GLIS3: variants seen among roughly 807,000 people sequenced by gnomAD.
GLIS3 encodes zinc finger protein GLIS3.
In GLIS3, 53 loss-of-function variants were observed where a neutral mutation model predicts 78.6. The ratio of observed to expected loss-of-function variants is 0.67; its 90% confidence interval spans 0.54 to 0.85. The LOEUF is 0.85. Ranked by LOEUF, GLIS3 falls within the 40% of genes least tolerant of loss-of-function variation. GLIS3 has a pLI of 0.00. For synonymous variants in GLIS3, 684 were observed against 509.9 expected (o/e 1.34, Z -4.60); for missense variants, 1,703 against 1,231.1 (o/e 1.38, Z -5.74).
intron 4 of GLIS3, among the ~76,000 whole-genome samples, chr9:4,111,349 A>C (rs904507696): frequency 6.6e-6 from 1 of 152,214 alleles, no homozygotes; most frequent in Non-Finnish European, 1.5e-5. Context: ...TTCATCCTAG[A>C]ATCACAGGGC....
chr9:4,457,271 G>A, the GLIS3 span, among the ~76,000 whole-genome samples: 1 of 151,988 alleles, frequency 6.6e-6, no homozygotes, highest in East Asian at 1.9e-4. Context: ...TGAGGTGGGA[G>A]GATCATTTGA....
chr9:3,891,930 G>T (rs1049829117), intron 7 of GLIS3, among the ~76,000 whole-genome samples: 2 of 152,140 alleles, frequency 1.3e-5, no homozygotes, highest in African/African-American at 2.4e-5. Flanking sequence ...GCACGTTGAT[G>T]AGACTTTATC....
At chr9:4,390,605 C>T in the GLIS3 span, among the ~76,000 whole-genome samples, 2 of 152,270 alleles carry the variant, frequency 1.3e-5, no homozygotes, top group South Asian at 4.1e-4. Context: ...TCTCTCTGGC[C>T]TCATACAGAT....
At chr9:3,996,794 T>C (rs12115545) in intron 4 of GLIS3, among the ~76,000 whole-genome samples, 3,130 of 151,958 alleles carry the variant, frequency 0.021, 115 homozygotes, top group African/African-American at 0.071. Flanking sequence ...CCTAGGCTAA[T>C]AAAGAAAAAG....
At chr9:4,353,400 G>A in the GLIS3 span, among the ~76,000 whole-genome samples, 1 of 152,128 alleles carries the variant, frequency 6.6e-6, no homozygotes, top group East Asian at 1.9e-4. Flanking sequence ...AAGGAGGTGT[G>A]GGAGTTAACG....
At chr9:4,108,554 T>C (rs1830953091) in intron 4 of GLIS3, among the ~76,000 whole-genome samples, 1 of 152,226 alleles carries the variant, frequency 6.6e-6, no homozygotes, top group African/African-American at 2.4e-5. Context: ...GGCTAATAAA[T>C]CACCATTTGC....
At chr9:3,953,378 AAT>A (rs1180381957) in intron 4 of GLIS3, among the ~76,000 whole-genome samples, 1 of 152,200 alleles carries the variant, frequency 6.6e-6, no homozygotes, top group African/African-American at 2.4e-5. Context: ...TTATGTGATC[AAT>A]ATTGTACAGA....
At chr9:4,202,515 A>G (rs1819500066) in intron 2 of GLIS3, among the ~76,000 whole-genome samples, 1 of 152,152 alleles carries the variant, frequency 6.6e-6, no homozygotes, top group South Asian at 2.1e-4. Flanking sequence ...AGCCAAAGCA[A>G]TGCTAAGCAA....
intron 4 of GLIS3, among the ~76,000 whole-genome samples, chr9:4,059,385 A>C (rs1033351184): frequency 6.6e-6 from 1 of 152,168 alleles, no homozygotes; most frequent in African/African-American, 2.4e-5. Context: ...CTCTGCTTTC[A>C]TCCTTCAGAC....
chr9:4,205,645 C>G (rs923989304), intron 2 of GLIS3, among the ~76,000 whole-genome samples: 2 of 152,114 alleles, frequency 1.3e-5, no homozygotes. Flanking sequence ...GAATCCAGGT[C>G]CTTGGTGAAT....
At chr9:3,837,797 C>T (rs1598307) in intron 9 of GLIS3, among the ~76,000 whole-genome samples, 29,369 of 152,094 alleles carry the variant, frequency 0.19, 3,223 homozygotes, top group Non-Finnish European at 0.24. Context: ...ACAGAGGTAG[C>T]GAAGCTATTC....
chr9:4,043,935 C>T (rs763686851), intron 4 of GLIS3, among the ~76,000 whole-genome samples: 1 of 152,214 alleles, frequency 6.6e-6, no homozygotes, highest in African/African-American at 2.4e-5. Context: ...AACCTGACAC[C>T]TGCAGCACTG....
intron 4 of GLIS3, among the ~76,000 whole-genome samples, chr9:4,043,589 T>C (rs1308062533): frequency 6.6e-6 from 1 of 152,048 alleles, no homozygotes; most frequent in African/African-American, 2.4e-5. Context: ...GACTCAGTTA[T>C]TGGAGGGCTG....
At chr9:4,393,764 A>G in the GLIS3 span, among the ~76,000 whole-genome samples, 1 of 152,146 alleles carries the variant, frequency 6.6e-6, no homozygotes, top group African/African-American at 2.4e-5. Flanking sequence ...TCATATCAGG[A>G]GGTACATTAT....
At chr9:3,931,448 A>G (rs2079962181) in intron 6 of GLIS3, among the ~76,000 whole-genome samples, 1 of 152,170 alleles carries the variant, frequency 6.6e-6, no homozygotes. Context: ...TTGAGTCTCA[A>G]ACTGCCCTTA....
chr9:4,257,092 T>C (rs1825021074), intron 2 of GLIS3, among the ~76,000 whole-genome samples: 1 of 152,196 alleles, frequency 6.6e-6, no homozygotes, highest in Admixed American at 6.5e-5. Flanking sequence ...TGTATGCATA[T>C]ATGTATGTAT....
chr9:4,249,335 C>A (rs945059727), intron 2 of GLIS3, among the ~76,000 whole-genome samples: 3 of 152,186 alleles, frequency 2.0e-5, no homozygotes, highest in Non-Finnish European at 4.4e-5. Context: ...AGAGATCCTT[C>A]ACATCCCTTC....
intron 2 of GLIS3, among the ~76,000 whole-genome samples, chr9:4,211,735 C>T (rs1260359856): frequency 6.6e-6 from 1 of 152,190 alleles, no homozygotes; most frequent in Non-Finnish European, 1.5e-5. Context: ...CATAGCAGCA[C>T]TGTTCATAAC....
chr9:4,279,297 C>CAAAAAA lies in GLIS3; in HGVS notation c.388+6735_388+6740dup, dbSNP rs56734583. 2.7e-3 allele frequency among the ~76,000 whole-genome samples: 250 copies of CAAAAAA among 91,976 alleles called. 37 individuals are homozygous for CAAAAAA. Among genetic ancestry groups the CAAAAAA allele is most frequent in the South Asian group, 5.4e-3 (14 of 2,610 alleles). The allele number at this position is 91,976 out of a possible 152,430, so 60.3% of individuals were successfully genotyped here. A position where few individuals can be genotyped will look rare whatever the true frequency, so the allele number is the denominator to read the frequency against. On this transcript the variant is annotated intron_variant, in intron 2 of 10. Transcript: ENST00000381971. ...TGGGCAACAGAGCAAGACTCCATCT[C>CAAAAAA]AAAAAAAAAAAAAAAAAATATATAT...
Sources: allele counts gnomAD v4.1 joint callset (sites outside exome capture counted in the v4.1 genomes callset), GRCh38; gene constraint gnomAD v4.1.1; transcripts MANE v1.5; gene names NCBI Gene and HGNC (gene_info 2026-07-23, HGNC 2026-07-21).